ZNF600: variants seen among roughly 807,000 people sequenced by gnomAD.
The protein encoded by ZNF600 is zinc finger protein KR-ZNF1.
A neutral mutation model predicts 7.3 loss-of-function variants in ZNF600; 4 were observed. The observed-to-expected ratio is 0.55, with a 90% CI of 0.27 to 1.25. ZNF600 has a LOEUF of 1.25. Ranked by LOEUF, ZNF600 falls within the 50% of genes most tolerant of loss-of-function variation. ZNF600 has a pLI of 0.12. For missense variants in ZNF600, 911 were observed against 922.1 expected, an observed-to-expected ratio of 0.99 and a Z score of 0.16; for synonymous variants, 290 against 308.9, an observed-to-expected ratio of 0.94 and a Z score of 0.64.
At chr19:52,803,428 A>G in the ZNF600 span, among the ~76,000 whole-genome samples, 5 of 152,194 alleles carry the variant, frequency 3.3e-5, no homozygotes, top group Admixed American at 6.5e-5. Flanking sequence ...TGCATACCAC[A>G]TACCGAAAAC....
chr19:52,800,891 C>T, the ZNF600 span: 1 of 1,596,158 alleles, frequency 6.3e-7, no homozygotes. Flanking sequence ...TATAAATTAT[C>T]TTATGTGTTT....
At chr19:52,818,103 C>G in the ZNF600 span, 9 of 1,394,356 alleles carry the variant, frequency 6.5e-6, no homozygotes, top group East Asian at 2.4e-5. Flanking sequence ...ACAACACATA[C>G]AAAGGAGACT....
chr19:52,804,802 G>C, the ZNF600 span, among the ~76,000 whole-genome samples: 1 of 152,310 alleles, frequency 6.6e-6, no homozygotes, highest in Non-Finnish European at 1.5e-5. Flanking sequence ...ATCACAGCTG[G>C]CCAGTCTAAG....
chr19:52,792,022 G>A, the ZNF600 span, among the ~76,000 whole-genome samples: 11 of 152,304 alleles, frequency 7.2e-5, 1 homozygote, highest in South Asian at 1.7e-3. Context: ...GTTCCATCCC[G>A]TCAGAATAAG....
the ZNF600 span, among the ~76,000 whole-genome samples, chr19:52,828,886 G>A: frequency 3.5e-4 from 53 of 151,868 alleles, no homozygotes; most frequent in African/African-American, 1.2e-3. Flanking sequence ...TTTGAGACGG[G>A]GTCTCCCCCT....
chr19:52,775,304 C>A (rs2062665421), intron 2 of ZNF600, among the ~76,000 whole-genome samples: 1 of 151,914 alleles, frequency 6.6e-6, no homozygotes, highest in South Asian at 2.1e-4. Flanking sequence ...GTAATCCCAG[C>A]ACTTTGGGAG....
chr19:52,817,696 C>T, the ZNF600 span, among the ~76,000 whole-genome samples: 3 of 152,138 alleles, frequency 2.0e-5, no homozygotes, highest in Admixed American at 2.0e-4. Flanking sequence ...ACCCTCACCC[C>T]GTCTCCATCC....
At chr19:52,807,950 G>A in the ZNF600 span, 3 of 1,608,906 alleles carry the variant, frequency 1.9e-6, no homozygotes, top group Non-Finnish European at 8.5e-7. Flanking sequence ...CTCCCAAGAG[G>A]CAACAAGAGA....
the ZNF600 span, among the ~76,000 whole-genome samples, chr19:52,833,001 ACCTCAAGTGATCCACCTG>A: frequency 2.0e-5 from 3 of 152,006 alleles, no homozygotes; most frequent in Admixed American, 2.0e-4. Flanking sequence ...CAAACTCCTG[ACCTCAAGTGATCCACCTG>A]CCTTGGCTCC....
intron 3 of ZNF600, among the ~76,000 whole-genome samples, chr19:52,772,074 A>C (rs954916286): frequency 2.0e-5 from 3 of 152,240 alleles, no homozygotes; most frequent in Admixed American, 6.5e-5. Flanking sequence ...ACTTGTTTTA[A>C]AAAGCAGGTG....
the ZNF600 span, chr19:52,800,373 C>A: frequency 1.5e-5 from 24 of 1,613,970 alleles, no homozygotes; most frequent in East Asian, 5.1e-4. Flanking sequence ...TGGTTTCTCT[C>A]CAGTATGAAT....
At chr19:52,793,632 T>C in the ZNF600 span, among the ~76,000 whole-genome samples, 4 of 152,050 alleles carry the variant, frequency 2.6e-5, no homozygotes, top group Non-Finnish European at 5.9e-5. Context: ...AAAAGCATTT[T>C]GAAAGTCCAC....
chr19:52,773,251 A>C (rs60261123), intron 3 of ZNF600, among the ~76,000 whole-genome samples: 36 of 147,756 alleles, frequency 2.4e-4, no homozygotes, highest in African/African-American at 5.6e-4. Context: ...TGAGCTTGGA[A>C]GAAAGTGGAA....
the ZNF600 span, among the ~76,000 whole-genome samples, chr19:52,814,577 G>A: frequency 2.1e-5 from 3 of 143,868 alleles, no homozygotes; most frequent in African/African-American, 8.4e-5. Flanking sequence ...CTGGACAACC[G>A]AGACTTTGTC....
At chr19:52,786,835 G>A, upstream of ZNF600, 1 of 290,924 alleles carries the variant, frequency 3.4e-6, no homozygotes, top group Admixed American at 3.5e-5. Flanking sequence ...GCGGGGTAGA[G>A]GCGGGGCCCC....
the ZNF600 span, among the ~76,000 whole-genome samples, chr19:52,828,407 C>G: frequency 1.3e-5 from 2 of 151,938 alleles, no homozygotes; most frequent in African/African-American, 4.8e-5. Flanking sequence ...GCAGAAGTTG[C>G]GCTGAGCCGA....
upstream of ZNF600, among the ~76,000 whole-genome samples, chr19:52,788,154 T>C (rs576783823): frequency 3.3e-5 from 5 of 152,290 alleles, no homozygotes; most frequent in African/African-American, 9.6e-5. Context: ...CCCAAGCTCA[T>C]GTCACTAGGT....
chr19:52,800,390 A>G, the ZNF600 span: 36 of 1,613,714 alleles, frequency 2.2e-5, no homozygotes, highest in Admixed American at 3.3e-5. Context: ...GAATCCTCCT[A>G]TGTCTTTCAA....
the ZNF600 span, among the ~76,000 whole-genome samples, chr19:52,821,306 C>A: frequency 0.015 from 2,289 of 152,140 alleles, 56 homozygotes; most frequent in African/African-American, 0.052. Context: ...TAAAAAGAGC[C>A]GTGCGGAAGG....
Sources: gnomAD v4.1 joint callset for allele counts (sites outside exome capture counted in the v4.1 genomes callset) on GRCh38, gnomAD v4.1.1 for gene constraint, MANE v1.5 for transcripts, NCBI Gene and HGNC (gene_info 2026-07-23, HGNC 2026-07-21) for gene names.